KCNA6: variants seen among roughly 807,000 people sequenced by gnomAD.
KCNA6 encodes human brain potassium channel-2.
KCNA6 carries 17 observed loss-of-function variants against 29.5 expected under a neutral mutation model. The ratio of observed to expected loss-of-function variants is 0.58; its 90% confidence interval spans 0.39 to 0.86. The LOEUF is 0.86. Among genes scored for constraint, KCNA6 ranks in the 40% least tolerant of loss-of-function variants. The pLI is 0.00. For missense variants in KCNA6, 450 were observed against 703.4 expected, an observed-to-expected ratio of 0.64 and a Z score of 4.07; for synonymous variants, 296 against 304.7, an observed-to-expected ratio of 0.97 and a Z score of 0.30.
chr12:4,811,356 G>A lies in KCNA6; in HGVS notation c.1315G>A (p.Gly439Ser). 2 of 1,613,966 alleles carry A rather than the reference G, an allele frequency of 1.2e-6. No homozygotes were observed. The highest frequency in any genetic ancestry group is 1.7e-6 in the Non-Finnish European group (2 of 1,179,842). Residue 439 changes from glycine (G) to serine (S), a missense_variant, in exon 1 of 1, where the codon GGC (glycine) becomes AGC (serine). Physicochemically the swap from Gly to Ser is moderately conservative, Grantham distance 56 (BLOSUM62 0). Transcript: ENST00000280684. This position sits in a 1 kb window ranked among gnomAD's most constrained non-coding sequence, Gnocchi z 7.1. ...CATGACTGTGGGGGGAAAGATCGTG[G>A]GCTCGCTGTGTGCCATCGCTGGGGT...
At chr12:4,820,613 T>A in the KCNA6 span, among the ~76,000 whole-genome samples, 1 of 146,550 alleles carries the variant, frequency 6.8e-6, no homozygotes, top group African/African-American at 2.6e-5. Flanking sequence ...AACTCTTCAT[T>A]TTCTACCCAA....
chr12:4,835,626 C>G, the KCNA6 span, among the ~76,000 whole-genome samples: 4 of 152,106 alleles, frequency 2.6e-5, no homozygotes, highest in Non-Finnish European at 5.9e-5. Flanking sequence ...CACCAGGAGA[C>G]TTCCTCATGG....
the KCNA6 span, among the ~76,000 whole-genome samples, chr12:4,823,564 C>G: frequency 2.5e-4 from 38 of 152,052 alleles, no homozygotes; most frequent in African/African-American, 8.4e-4. Context: ...GTCAGGAGTT[C>G]GAGATGAGCC....
At chr12:4,823,485 G>A in the KCNA6 span, among the ~76,000 whole-genome samples, 112 of 151,876 alleles carry the variant, frequency 7.4e-4, 1 homozygote, top group Non-Finnish European at 1.3e-4. Flanking sequence ...CGGGAATTCC[G>A]GCTGGGTGCA....
chr12:4,835,242 C>A, the KCNA6 span, among the ~76,000 whole-genome samples: 4 of 150,830 alleles, frequency 2.7e-5, no homozygotes, highest in Non-Finnish European at 5.9e-5. Flanking sequence ...TCACACCATT[C>A]TCCTGCCTCA....
chr12:4,818,617 G>A, the KCNA6 span, among the ~76,000 whole-genome samples: 14 of 152,296 alleles, frequency 9.2e-5, no homozygotes, highest in African/African-American at 3.4e-4. Flanking sequence ...AAGCTCAGAG[G>A]GGTTGTGATG....
Position 4,810,114 on chromosome 12 carries a change from G to T in KCNA6, c.73G>T (p.Ala25Ser). The change falls in exon 1 of 1, where the codon GCG (alanine) becomes TCG (serine). Residue 25 changes from alanine (A) to serine (S), a missense_variant. Physicochemically the swap from Ala to Ser is moderately conservative, Grantham distance 99. Around this residue, in one of 7 missense-constraint regions of KCNA6, gnomAD observed 72 missense variants for 64.2 expected, o/e 1.12. Transcript: ENST00000280684. The surrounding 1 kb of genome is among the most constrained non-coding windows in gnomAD (Gnocchi z 7.5). ...TGGGCCGGAGGGAGAGCAACAGGAT[G>T]CGGGAGACTTCCCGGAGGCCGGCGG... The T allele has an allele frequency of 6.3e-7, 1 of 1,587,080 alleles. No homozygotes were observed.
chr12:4,840,695 G>A, the KCNA6 span, among the ~76,000 whole-genome samples: 1 of 152,234 alleles, frequency 6.6e-6, no homozygotes, highest in African/African-American at 2.4e-5. Flanking sequence ...TACACACTGG[G>A]TCAGCAAGAA....
the KCNA6 span, among the ~76,000 whole-genome samples, chr12:4,821,252 T>C: frequency 6.6e-6 from 1 of 152,214 alleles, no homozygotes; most frequent in Non-Finnish European, 1.5e-5. Flanking sequence ...TTGGCATTGG[T>C]GGAAAGAGAA....
chr12:4,827,584 T>TAGACAAAGGATACC, the KCNA6 span, among the ~76,000 whole-genome samples: 1 of 152,328 alleles, frequency 6.6e-6, no homozygotes, highest in South Asian at 2.1e-4. Flanking sequence ...CTGGTATCCT[T>TAGACAAAGGATACC]AGACAAAGTA....
Position 4,811,175 on chromosome 12 carries a change from G to C in KCNA6, c.1134G>C (p.Leu378=). Residue 378 remains leucine, a synonymous_variant, in exon 1 of 1, where the codon CTG becomes CTC. Transcript: ENST00000280684. This position sits in a 1 kb window ranked among gnomAD's most constrained non-coding sequence, Gnocchi z 7.1. ...AGGCCTCCATGAGGGAGCTGGGGCT[G>C]CTCATCTTCTTCCTCTTCATCGGGG... The C allele has an allele frequency of 1.2e-6, 2 of 1,614,244 alleles. No homozygotes were observed. Among genetic ancestry groups the C allele is most frequent in the Non-Finnish European group, 1.7e-6 (2 of 1,180,034 alleles).
chr12:4,828,490 C>T, the KCNA6 span, among the ~76,000 whole-genome samples: 1 of 152,208 alleles, frequency 6.6e-6, no homozygotes, highest in Non-Finnish European at 1.5e-5. Flanking sequence ...CTTGGCTATA[C>T]TCCTAAAAGA....
rs1285186513 is a variant in KCNA6, at chr12:4,811,221, G to A, written c.1180G>A (p.Val394Ile). 2.5e-6 allele frequency: 4 copies of A among 1,614,204 alleles called. No individual in the cohort carries two copies. Among genetic ancestry groups the A allele is most frequent in the East Asian group, 2.2e-5 (1 of 44,878 alleles). ...CGGGGTCATCCTCTTCTCCAGTGCC[G>A]TCTACTTCGCAGAGGCTGACGATGA... The change falls in exon 1 of 1, where the codon GTC becomes ATC. Residue 394 changes from valine (V) to isoleucine (I), a missense_variant. Val to Ile is a conservative substitution (Grantham distance 29). Coordinates refer to ENST00000280684, the Ensembl canonical transcript of KCNA6. This position sits in a 1 kb window ranked among gnomAD's most constrained non-coding sequence, Gnocchi z 7.1.
At chr12:4,836,627 A>G in the KCNA6 span, among the ~76,000 whole-genome samples, 1 of 152,204 alleles carries the variant, frequency 6.6e-6, no homozygotes, top group South Asian at 2.1e-4. Flanking sequence ...AGTTGGACTC[A>G]AGATTGCGAA....
the KCNA6 span, among the ~76,000 whole-genome samples, chr12:4,823,877 G>T: frequency 6.6e-6 from 1 of 152,230 alleles, no homozygotes; most frequent in African/African-American, 2.4e-5. Context: ...CAGGTGGGCA[G>T]CACTGCCTTT....
chr12:4,845,426 T>G, the KCNA6 span, among the ~76,000 whole-genome samples: 1 of 152,216 alleles, frequency 6.6e-6, no homozygotes. Context: ...GCTTTGTACG[T>G]GAACTTCTGT....
Position 4,810,803 on chromosome 12 carries a change from T to A in KCNA6, c.762T>A (p.Leu254=). 6.3e-7 allele frequency: 1 copy of A among 1,591,466 alleles called. No homozygotes were observed. Among genetic ancestry groups the A allele is most frequent in the Non-Finnish European group, 8.6e-7 (1 of 1,169,328 alleles). The change falls in exon 1 of 1, where the codon CTT becomes CTA. Residue 254 remains leucine (L), a synonymous_variant. Transcript: ENST00000280684. The surrounding 1 kb of genome is among the most constrained non-coding windows in gnomAD (Gnocchi z 7.5). ...GGGGCTCCTCCTCACTCAGTACTCT[T>A]GGGGGCTCCTTCTTTACAGACCCCT...
At chr12:4,848,164 T>C in the KCNA6 span, among the ~76,000 whole-genome samples, 1 of 152,150 alleles carries the variant, frequency 6.6e-6, no homozygotes, top group Admixed American at 6.6e-5. Flanking sequence ...GAGTAGGTGC[T>C]TGGCTTTGTG....
the KCNA6 span, among the ~76,000 whole-genome samples, chr12:4,846,029 T>C: frequency 0.02 from 3,011 of 147,096 alleles, 47 homozygotes; most frequent in Non-Finnish European, 0.03. Flanking sequence ...TAATGAGTTA[T>C]CTTGGGGTTG....
Sources: allele counts gnomAD v4.1 joint callset (sites outside exome capture counted in the v4.1 genomes callset), GRCh38; gene constraint gnomAD v4.1.1; regional missense constraint gnomAD v4.1.1; non-coding constraint Gnocchi (gnomAD v3.1); transcripts MANE v1.5; gene names NCBI Gene and HGNC (gene_info 2026-07-23, HGNC 2026-07-21).